TAF7L: variants seen among roughly 807,000 people sequenced by gnomAD.
TAF7L encodes the protein TATA-box binding protein associated factor 7 like.
Under a neutral mutation model 30.2 loss-of-function variants are expected in TAF7L, and 6 were observed. That is an observed-to-expected ratio of 0.20 (90% CI 0.11 to 0.39). The LOEUF is 0.39. TAF7L is among the 10% of genes least tolerant of loss of function. TAF7L has a pLI of 1.00. For missense variants in TAF7L, 284 were observed against 277.1 expected, an observed-to-expected ratio of 1.03 and a Z score of -0.18; for synonymous variants, 93 against 94.5, an observed-to-expected ratio of 0.98 and a Z score of 0.09.
chrX:101,289,301 TACC>T (rs1924718523), intron 1 of TAF7L, among the ~76,000 whole-genome samples: 1 of 112,135 alleles, frequency 8.9e-6, no homozygotes, highest in Non-Finnish European at 1.9e-5. Flanking sequence ...ACTTGTTGGA[TACC>T]TAGATTGATT....
Position 101,275,287 on chromosome X carries a change from A to G in TAF7L, c.1027-6T>C. On this transcript the variant is annotated splice_region_variant and splice_polypyrimidine_tract_variant and intron_variant, in intron 11 of 12. Transcript: ENST00000356784. ...AGCACAGACTGAAAATGATTCTGAAAAATAAATTGTATAAATGATGAACAC... is the reference window on the plus strand; with the variant it reads ...AGCACAGACTGAAAATGATTCTGAAGAATAAATTGTATAAATGATGAACAC... The G allele has an allele frequency of 4.3e-6, 5 of 1,150,629 alleles. No homozygotes were observed. The highest frequency in any genetic ancestry group is 3.5e-6 in the Non-Finnish European group (3 of 859,598). The allele number at this position is 1,150,629 out of a possible 1,213,427, so 94.8% of individuals were successfully genotyped here. A position where few individuals can be genotyped will look rare whatever the true frequency, so the allele number is the denominator to read the frequency against.
In TAF7L at chrX:101,281,143, T is replaced by C. The variant is rs371683453; in HGVS notation, c.462+577A>G. Among the ~76,000 whole-genome samples the C allele has an allele frequency of 7.2e-5, 8 of 111,857 alleles. No individual in the cohort carries two copies. The East Asian group carries it at 1.4e-3, about 20-fold the overall frequency. On this transcript the variant is annotated intron_variant, in intron 6 of 12. Transcript: ENST00000356784. ...CGAGTACAAGTAAAACTGGAGAAATTGGAATAAGATTGCAGAATTCTAATC... is the reference window on the plus strand; with the variant it reads ...CGAGTACAAGTAAAACTGGAGAAATCGGAATAAGATTGCAGAATTCTAATC...
rs953074936 is a variant in TAF7L at position 101,268,609 on chromosome X, T to C, written c.*584A>G. 1 of 111,949 alleles carries C rather than the reference T, an allele frequency of 8.9e-6. No homozygotes were observed. Among genetic ancestry groups the C allele is most frequent in the Non-Finnish European group, 1.9e-5 (1 of 53,233 alleles). 9.2% of individuals were successfully genotyped at this position (111,949 alleles called of 1,213,427 possible). A position where few individuals can be genotyped will look rare whatever the true frequency, so the allele number is the denominator to read the frequency against. On this transcript the variant is annotated 3_prime_UTR_variant, in exon 13 of 13. Coordinates refer to ENST00000356784, the MANE Select transcript of TAF7L (RefSeq NM_001168474.2). ...CAATCTAGTATTAACTGCTGCAAGG[T>C]AGGCACTTAAACTCACTATGGCAGG...
At chrX:101,275,912 C>T (rs1924150708) in intron 11 of TAF7L, 88 bp downstream of exon 11, 1 of 649,394 alleles carries the variant, frequency 1.5e-6, no homozygotes, top group South Asian at 3.0e-5. Flanking sequence ...GAACAAGAAC[C>T]CTGCACAGAG....
chrX:101,274,904 T>A, intron 12 of TAF7L, among the ~76,000 whole-genome samples: 1 of 112,447 alleles, frequency 8.9e-6, no homozygotes, highest in East Asian at 2.8e-4. Flanking sequence ...TAGCCTATAG[T>A]AAAATTGGTT....
chrX:101,292,823 C>T, upstream of TAF7L: 2 of 1,210,984 alleles, frequency 1.7e-6, no homozygotes, highest in African/African-American at 3.5e-5. Flanking sequence ...GGGGCCTGGG[C>T]AGCAGCCTGG....
At chrX:101,286,110 G>A (rs182637160) in intron 3 of TAF7L, among the ~76,000 whole-genome samples, 1 of 108,278 alleles carries the variant, frequency 9.2e-6, no homozygotes, top group African/African-American at 3.4e-5. Context: ...GAACCCAGGA[G>A]GTAGAGGTTG....
Position 101,282,412 on chromosome X carries a change from T to G in TAF7L, c.321A>C (p.Pro107=), listed in dbSNP as rs759480530. The G allele has an allele frequency of 8.3e-7, 1 of 1,210,962 alleles. No homozygotes were observed. The highest frequency in any genetic ancestry group is 1.8e-5 in the South Asian group (1 of 56,953). ...GATCAGTAGAGGCAGCTGGTTCTTC[T>G]GGAGAAAGGTGGATATCACCATCAG... is the stretch of plus-strand genomic sequence containing the variant. The part of the protein sequence containing the change: ...CTADGDIHLS[P]EEPAASTDPN... The change falls in exon 5 of 13, where the codon CCA becomes CCC. Residue 107 remains proline, a synonymous_variant. Transcript: ENST00000356784.
chrX:101,278,041 A>C lies in TAF7L; in HGVS notation c.577+8T>G. ...AGACTATGCAGAAAATATTTGTATA[A>C]AGGATACGGGTACTTACGGCTTCAG... On this transcript the variant is annotated splice_region_variant and intron_variant, in intron 8 of 12. Coordinates refer to ENST00000356784, the MANE Select transcript of TAF7L (RefSeq NM_001168474.2). The C allele has an allele frequency of 8.3e-7, 1 of 1,203,983 alleles. No homozygotes were observed. The highest frequency in any genetic ancestry group is 1.1e-6 in the Non-Finnish European group (1 of 888,525).
At position 101,268,463 on chromosome X, in the gene TAF7L, A is replaced by G. The variant is rs768199301; in HGVS notation, c.*730T>C. On this transcript the variant is annotated 3_prime_UTR_variant, in exon 13 of 13. Transcript: ENST00000356784. ...TCATAATTTCTTCATCTCTGCTCTA[A>G]CTGTTCCCTTAGTTGGTGAATAACA... The G allele has an allele frequency of 2.4e-4, 27 of 111,782 alleles. No individual in the cohort carries two copies. Among genetic ancestry groups the G allele is most frequent in the African/African-American group, 8.8e-4 (27 of 30,755 alleles). The allele number at this position is 111,782 out of a possible 1,213,427, so 9.2% of individuals were successfully genotyped here.
At chrX:101,280,759 A>G (rs760899243) in intron 6 of TAF7L, among the ~76,000 whole-genome samples, 11 of 112,184 alleles carry the variant, frequency 9.8e-5, no homozygotes, top group Admixed American at 9.5e-4. Flanking sequence ...TGGTACATTC[A>G]TACCATGGAA....
intron 12 of TAF7L, among the ~76,000 whole-genome samples, chrX:101,271,393 T>C (rs1923960295): frequency 8.9e-6 from 1 of 112,179 alleles, no homozygotes; most frequent in South Asian, 3.7e-4. Context: ...CATAGTATAG[T>C]CTATCGTTCC....
intron 3 of TAF7L, among the ~76,000 whole-genome samples, chrX:101,286,188 AAAAAAAAGAAAG>A (rs1924587717): frequency 9.4e-6 from 1 of 106,001 alleles, no homozygotes; most frequent in African/African-American, 3.5e-5. Flanking sequence ...CTCAAAAAAA[AAAAAAAAGAAAG>A]AAAGAAAGAA....
intron 3 of TAF7L, among the ~76,000 whole-genome samples, chrX:101,283,979 G>A (rs1463623183): frequency 1.8e-5 from 2 of 109,253 alleles, no homozygotes; most frequent in African/African-American, 6.7e-5. Flanking sequence ...GTGAGGGAAG[G>A]GTTGACTGAC....
At chrX:101,272,403 GAATA>G (rs1156799986) in intron 12 of TAF7L, among the ~76,000 whole-genome samples, 1 of 111,804 alleles carries the variant, frequency 8.9e-6, no homozygotes, top group Non-Finnish European at 1.9e-5. Flanking sequence ...GCAGATGAAT[GAATA>G]AACAAAATGT....
At chrX:101,287,727 C>G (rs779903119) in intron 1 of TAF7L, 182 bp from the exon 2 acceptor site, 7 of 358,785 alleles carry the variant, frequency 2.0e-5, no homozygotes, top group Non-Finnish European at 3.4e-5. Flanking sequence ...TATTTCTAGA[C>G]GTTACCTTAG....
intron 1 of TAF7L, 65 bp downstream of exon 1, chrX:101,291,159 C>T: frequency 1.9e-6 from 1 of 530,452 alleles, no homozygotes; most frequent in South Asian, 9.6e-5. Context: ...GGGTGCACCG[C>T]GGCGGGGTGC....
At chrX:101,270,791 C>A (rs765227613) in intron 12 of TAF7L, among the ~76,000 whole-genome samples, 107 of 111,148 alleles carry the variant, frequency 9.6e-4, no homozygotes, top group Non-Finnish European at 1.8e-3. Context: ...ACTCCAATTT[C>A]TCCTATATAC....
At chrX:101,292,260 A>AAAT (rs1555970315), upstream of TAF7L, among the ~76,000 whole-genome samples, 2,674 of 65,354 alleles carry the variant, frequency 0.041, 286 homozygotes, top group African/African-American at 0.19. Flanking sequence ...AATAAATAAA[A>AAAT]AAAATAAATA....
Sources: allele counts gnomAD v4.1 joint callset (sites outside exome capture counted in the v4.1 genomes callset), GRCh38; gene constraint gnomAD v4.1.1; transcripts MANE v1.5; gene names NCBI Gene and HGNC (gene_info 2026-07-23, HGNC 2026-07-21).